The following SLC22A23 variants were observed in gnomAD, a reference collection of about 807,000 sequenced individuals.
The protein encoded by SLC22A23 is ion transporter protein.
A neutral mutation model predicts 61.0 loss-of-function variants in SLC22A23; 26 were observed. The observed-to-expected ratio is 0.43, with a 90% CI of 0.31 to 0.59. The LOEUF is 0.59. Ranked by LOEUF, SLC22A23 falls within the 20% of genes least tolerant of loss-of-function variation. The probability of loss-of-function intolerance (pLI) is 0.11; values close to 1 mark genes in which losing one functional copy is unlikely to be tolerated. For missense variants in SLC22A23, 796 were observed against 934.7 expected (o/e 0.85, Z 1.94); for synonymous variants, 430 against 413.9 (o/e 1.04, Z -0.47).
At chr6:3,276,051 CCCAGGAAGATTCACAG>C (rs1233809837) in intron 9 of SLC22A23, among the ~76,000 whole-genome samples, 1 of 152,190 alleles carries the variant, frequency 6.6e-6, no homozygotes, top group African/African-American at 2.4e-5. Flanking sequence ...TGCTAATAAC[CCCAGGAAGATTCACAG>C]ATTTGGAGCC....
chr6:3,380,069 A>C lies in SLC22A23; in HGVS notation c.913+30119T>G, dbSNP rs543777074. 3.5e-4 allele frequency among the ~76,000 whole-genome samples: 54 copies of C among 152,358 alleles called. 1 individual carries two copies. The highest frequency in any genetic ancestry group is 1.3e-3 in the African/African-American group (53 of 41,584). On this transcript the variant is annotated intron_variant, in intron 3 of 9. Coordinates refer to ENST00000406686, the MANE Select transcript of SLC22A23 (RefSeq NM_015482.2). ...GGGATGAGGGGGCTAGAGGGTGAAGAGTACAGAAATCCCAAACAATCTCTG... is the reference window on the plus strand; with the variant it reads ...GGGATGAGGGGGCTAGAGGGTGAAGCGTACAGAAATCCCAAACAATCTCTG...
intron 6 of SLC22A23, among the ~76,000 whole-genome samples, chr6:3,287,686 T>TC (rs374982512): frequency 7.1e-6 from 1 of 141,122 alleles, no homozygotes; most frequent in Non-Finnish European, 1.6e-5. Flanking sequence ...TTTTTTTTTT[T>TC]GTTTTGTTTT....
At chr6:3,276,030 A>C (rs958005911) in intron 9 of SLC22A23, among the ~76,000 whole-genome samples, 5 of 152,210 alleles carry the variant, frequency 3.3e-5, no homozygotes, top group Admixed American at 2.0e-4. Context: ...AACCAGATAT[A>C]CACAGGTCTA....
intron 3 of SLC22A23, among the ~76,000 whole-genome samples, chr6:3,362,563 A>G (rs1439581368): frequency 6.6e-6 from 1 of 151,974 alleles, no homozygotes; most frequent in Non-Finnish European, 1.5e-5. Context: ...CCTGGGCTCC[A>G]TGGGATTGAG....
intron 6 of SLC22A23, among the ~76,000 whole-genome samples, chr6:3,287,713 G>A (rs975393079): frequency 7.4e-5 from 11 of 149,038 alleles, no homozygotes; most frequent in Non-Finnish European, 1.0e-4. Context: ...GAGTAGAGCC[G>A]TGTTCTGCTA....
intron 3 of SLC22A23, among the ~76,000 whole-genome samples, chr6:3,356,662 G>A (rs1257646880): frequency 3.3e-5 from 5 of 152,096 alleles, no homozygotes; most frequent in Non-Finnish European, 7.4e-5. Flanking sequence ...TTGTAACCCT[G>A]TTGTCTTCCT....
intron 1 of SLC22A23, among the ~76,000 whole-genome samples, chr6:3,429,862 A>G (rs1770744338): frequency 2.0e-5 from 3 of 152,156 alleles, no homozygotes; most frequent in Admixed American, 2.0e-4. Context: ...ATTCATAGAC[A>G]CAGAAAGTAG....
In SLC22A23 at chr6:3,364,305, C is replaced by T. The variant is rs72841837; in HGVS notation, c.914-40303G>A. Among the ~76,000 whole-genome samples, 994 of 152,254 alleles carry T rather than the reference C, an allele frequency of 6.5e-3. 4 individuals carry two copies. Among genetic ancestry groups the T allele is most frequent in the Middle Eastern group, 0.017 (5 of 294 alleles). ...GCAACTAGGTAAGATGTAATAGGCA[C>T]AATTCCCATGTTACACTTCAAGGAA... On this transcript the variant is annotated intron_variant, in intron 3 of 9. Transcript: ENST00000406686.
At chr6:3,350,160 C>A (rs892106385) in intron 3 of SLC22A23, among the ~76,000 whole-genome samples, 14 of 152,172 alleles carry the variant, frequency 9.2e-5, no homozygotes, top group Non-Finnish European at 1.6e-4. Flanking sequence ...GTGTGTGATG[C>A]ACTTAATTCT....
At chr6:3,429,346 C>A (rs1770708309) in intron 1 of SLC22A23, among the ~76,000 whole-genome samples, 1 of 152,134 alleles carries the variant, frequency 6.6e-6, no homozygotes, top group Non-Finnish European at 1.5e-5. Flanking sequence ...ACATTGAAAA[C>A]TCTAAGGAAA....
chr6:3,281,396 A>G (rs1285545763), intron 9 of SLC22A23, among the ~76,000 whole-genome samples: 2 of 152,382 alleles, frequency 1.3e-5, no homozygotes, highest in East Asian at 3.9e-4. Flanking sequence ...CCTTGGGGCA[A>G]TAGATTTCTG....
At chr6:3,278,711 CTG>C (rs1474579167) in intron 9 of SLC22A23, among the ~76,000 whole-genome samples, 1 of 152,222 alleles carries the variant, frequency 6.6e-6, no homozygotes, top group African/African-American at 2.4e-5. Flanking sequence ...AAGATGAAGA[CTG>C]AACACCTAAA....
chr6:3,403,710 C>G (rs1768596605), intron 3 of SLC22A23, among the ~76,000 whole-genome samples: 1 of 152,176 alleles, frequency 6.6e-6, no homozygotes, highest in Non-Finnish European at 1.5e-5. Flanking sequence ...CCCAAGAAAT[C>G]TTCAACACTG....
intron 1 of SLC22A23, among the ~76,000 whole-genome samples, chr6:3,419,670 C>T (rs1304624253): frequency 3.3e-5 from 5 of 152,148 alleles, no homozygotes; most frequent in Non-Finnish European, 7.3e-5. Context: ...ATTCTTCAGC[C>T]TCCTAATGGA....
chr6:3,303,712 G>A (rs935577764), intron 4 of SLC22A23, among the ~76,000 whole-genome samples: 7 of 152,188 alleles, frequency 4.6e-5, no homozygotes, highest in African/African-American at 1.4e-4. Flanking sequence ...AGGGGGAAGG[G>A]AGAAATAGGG....
chr6:3,446,593 C>A (rs1409300794), intron 1 of SLC22A23, among the ~76,000 whole-genome samples: 2 of 152,104 alleles, frequency 1.3e-5, no homozygotes, highest in Non-Finnish European at 1.5e-5. Flanking sequence ...CAGGCTCAGG[C>A]CCCCTTGTCT....
Position 3,445,285 on chromosome 6 carries a change from G to A in SLC22A23, c.654+10621C>T, listed in dbSNP as rs533147595. ...GCCATCTTGGCTCACTGCAACTTCC[G>A]CCTCCCAGGTTCAAGCAATTGTCCT... On this transcript the variant is annotated intron_variant, in intron 1 of 9. Coordinates refer to ENST00000406686, the MANE Select transcript of SLC22A23 (RefSeq NM_015482.2). Among the ~76,000 whole-genome samples the A allele has an allele frequency of 2.4e-3, 367 of 151,884 alleles. 3 individuals are homozygous for A. The highest frequency in any genetic ancestry group is 4.2e-3 in the Non-Finnish European group (283 of 67,968).
At chr6:3,393,570 T>C (rs1192001747) in intron 3 of SLC22A23, among the ~76,000 whole-genome samples, 1 of 152,174 alleles carries the variant, frequency 6.6e-6, no homozygotes, top group Non-Finnish European at 1.5e-5. Flanking sequence ...AAACTGTTGA[T>C]TATGCTTGGT....
intron 4 of SLC22A23, among the ~76,000 whole-genome samples, chr6:3,298,481 T>G (rs1398012968): frequency 1.3e-5 from 2 of 150,240 alleles, no homozygotes; most frequent in African/African-American, 2.5e-5. Flanking sequence ...AAAAAAAAAG[T>G]GATCTCATAG....
Sources: allele counts gnomAD v4.1 joint callset (sites outside exome capture counted in the v4.1 genomes callset), GRCh38; gene constraint gnomAD v4.1.1; transcripts MANE v1.5; gene names NCBI Gene and HGNC (gene_info 2026-07-23, HGNC 2026-07-21).